Variants in TPRG1 observed in about 807,000 individuals in gnomAD.
TPRG1 encodes tumor protein p63 regulated 1.
Under a neutral mutation model 29.3 loss-of-function variants are expected in TPRG1, and 29 were observed. That is an observed-to-expected ratio of 0.99 (90% CI 0.74 to 1.35). The LOEUF is 1.35. Ranked by LOEUF, TPRG1 falls within the 40% of genes most tolerant of loss-of-function variation. The probability of loss-of-function intolerance (pLI) is 0.00; values close to 1 mark genes in which losing one functional copy is unlikely to be tolerated. For missense variants in TPRG1, 327 were observed against 335.0 expected (o/e 0.98, Z 0.19); for synonymous variants, 130 against 116.8 (o/e 1.11, Z -0.73).
At chr3:189,021,675 C>A (rs1188601045) in intron 3 of TPRG1, among the ~76,000 whole-genome samples, 1 of 152,146 alleles carries the variant, frequency 6.6e-6, no homozygotes, top group African/African-American at 2.4e-5. Flanking sequence ...TTTTTTCCAT[C>A]ATTTCAACTT....
chr3:188,997,722 A>G (rs952193209), intron 1 of TPRG1, among the ~76,000 whole-genome samples: 1 of 152,160 alleles, frequency 6.6e-6, no homozygotes, highest in African/African-American at 2.4e-5. Flanking sequence ...TATCATATCT[A>G]TAGTTCCTGG....
intron 3 of TPRG1, among the ~76,000 whole-genome samples, chr3:189,231,760 C>T (rs1419831385): frequency 6.6e-6 from 1 of 152,150 alleles, no homozygotes; most frequent in East Asian, 1.9e-4. Flanking sequence ...ATCTTGTGCT[C>T]ATCTGTATTT....
At chr3:189,139,939 C>T (rs1724317313) in intron 3 of TPRG1, among the ~76,000 whole-genome samples, 1 of 152,144 alleles carries the variant, frequency 6.6e-6, no homozygotes. Flanking sequence ...CCCTAAAAAA[C>T]CACTAAAGGA....
intron 4 of TPRG1, chr3:189,240,258 A>G (rs1456910084): frequency 6.6e-6 from 1 of 152,160 alleles, no homozygotes; most frequent in African/African-American, 2.4e-5. Context: ...ACATTGTAAA[A>G]TATATATTTA....
chr3:189,319,358 C>T, intron 5 of TPRG1, among the ~76,000 whole-genome samples: 1 of 152,074 alleles, frequency 6.6e-6, no homozygotes, highest in East Asian at 1.9e-4. Flanking sequence ...AATCCTCCAT[C>T]CCTGTATCTT....
chr3:189,211,934 A>G (rs1446541668), intron 2 of TPRG1: 1 of 152,096 alleles, frequency 6.6e-6, no homozygotes, highest in Non-Finnish European at 1.5e-5. Flanking sequence ...GCTTAGACGT[A>G]TCTAAAAAAA....
chr3:189,100,322 A>G (rs1354669398), intron 1 of TPRG1: 5 of 152,214 alleles, frequency 3.3e-5, no homozygotes, highest in African/African-American at 1.2e-4. Flanking sequence ...TGAAATGGAG[A>G]CAGAAAGGGT....
At chr3:189,207,237 A>G (rs996285706) in intron 1 of TPRG1, 139 bp from the exon 2 acceptor site, 1 of 1,422,364 alleles carries the variant, frequency 7.0e-7, no homozygotes, top group Middle Eastern at 2.5e-4. Flanking sequence ...GTATCCACCA[A>G]TGCCTCTGTT....
At chr3:189,023,409 A>G (rs1463204205) in intron 3 of TPRG1, among the ~76,000 whole-genome samples, 1 of 152,142 alleles carries the variant, frequency 6.6e-6, no homozygotes, top group Non-Finnish European at 1.5e-5. Flanking sequence ...TTGTTTTATC[A>G]TGATTCTTAG....
chr3:189,284,276 G>T (rs1400134611), intron 4 of TPRG1, among the ~76,000 whole-genome samples: 1 of 150,496 alleles, frequency 6.6e-6, no homozygotes, highest in Non-Finnish European at 1.5e-5. Flanking sequence ...ATGTATACAT[G>T]TGCCATGTCG....
chr3:189,250,180 A>G (rs553483921), intron 4 of TPRG1, among the ~76,000 whole-genome samples: 2 of 152,148 alleles, frequency 1.3e-5, no homozygotes, highest in African/African-American at 4.8e-5. Context: ...AGAGTGGGGA[A>G]GCCTGTGCCA....
intron 4 of TPRG1, among the ~76,000 whole-genome samples, chr3:189,266,554 G>A (rs1470432133): frequency 6.6e-6 from 1 of 152,106 alleles, no homozygotes; most frequent in Non-Finnish European, 1.5e-5. Flanking sequence ...AATAATGGGA[G>A]ACAGGAGATC....
chr3:189,227,333 C>T (rs1245619119), intron 3 of TPRG1, among the ~76,000 whole-genome samples: 1 of 152,244 alleles, frequency 6.6e-6, no homozygotes, highest in East Asian at 1.9e-4. Flanking sequence ...TGAGAATCTC[C>T]CCCACCTTTC....
At chr3:189,112,825 G>A (rs966418364) in intron 1 of TPRG1, among the ~76,000 whole-genome samples, 6 of 152,144 alleles carry the variant, frequency 3.9e-5, no homozygotes, top group African/African-American at 1.4e-4. Flanking sequence ...CTCCAGCTTT[G>A]TTCTTTTGGC....
intron 4 of TPRG1, among the ~76,000 whole-genome samples, chr3:189,272,805 A>G (rs989287378): frequency 1.3e-5 from 2 of 149,044 alleles, no homozygotes; most frequent in African/African-American, 5.0e-5. Flanking sequence ...AAGGCTCAAT[A>G]CTAAATAGGA....
Position 189,310,257 on chromosome 3 carries a change from C to T in TPRG1, c.480-129C>T, listed in dbSNP as rs28363884. 44,967 of 689,662 alleles carry T rather than the reference C, an allele frequency of 0.065. 2,453 individuals carry two copies. Among genetic ancestry groups the T allele is most frequent in the African/African-American group, 0.23 (12,472 of 54,862 alleles). The allele number at this position is 689,662 out of a possible 1,614,324, so 42.7% of individuals were successfully genotyped here. On this transcript the variant is annotated intron_variant, in intron 4 of 5. Coordinates refer to ENST00000345063, the MANE Select transcript of TPRG1 (RefSeq NM_198485.4). The stretch of plus-strand genomic sequence containing the variant: ...AACCTAATTCACCTTTTTCTTCTCA[C>T]CCCCTAAAATCTTTTGAACAGTTTA...
Position 189,252,095 on chromosome 3 carries a change from T to C in TPRG1, c.479+13186T>C, listed in dbSNP as rs879264979. Among the ~76,000 whole-genome samples, 251 of 152,262 alleles carry C rather than the reference T, an allele frequency of 1.6e-3. 1 individual carries two copies. The highest frequency in any genetic ancestry group is 3.2e-3 in the Non-Finnish European group (215 of 68,014). ...GAGATTAGGGAGTGGTGATGACTCT[T>C]AAGGAGCATGCTGCCTTCAAGCATC... is the stretch of plus-strand genomic sequence containing the variant. On this transcript the variant is annotated intron_variant, in intron 4 of 5. Transcript: ENST00000345063.
intron 4 of TPRG1, among the ~76,000 whole-genome samples, chr3:189,065,360 C>T (rs539041578): frequency 8.6e-5 from 13 of 151,996 alleles, no homozygotes; most frequent in Non-Finnish European, 1.8e-4. Flanking sequence ...CAAACAAAGA[C>T]AGTACAAAGA....
In TPRG1 at chr3:189,093,567, C is replaced by A. The variant is rs371818455; in HGVS notation, c.-462-33490C>A. Reference sequence around the variant, plus strand: ...TTATTAGCAATATTTATTTAGACACCAAAGAAGAAGCCATTTGAATCTTGG... The same window carrying A: ...TTATTAGCAATATTTATTTAGACACAAAAGAAGAAGCCATTTGAATCTTGG... On this transcript the variant is annotated intron_variant, in intron 4 of 10. Coordinates refer to the TPRG1 transcript ENST00000433971. Among the ~76,000 whole-genome samples the A allele has an allele frequency of 7.2e-5, 11 of 152,144 alleles. No individual in the cohort carries two copies. The East Asian group carries it at 1.4e-3, about 19-fold the overall frequency.
Sources: gnomAD v4.1 joint callset for allele counts (sites outside exome capture counted in the v4.1 genomes callset) on GRCh38, gnomAD v4.1.1 for gene constraint, MANE v1.5 for transcripts, NCBI Gene and HGNC (gene_info 2026-07-23, HGNC 2026-07-21) for gene names.